Variants in ADGRL4 observed in about 807,000 individuals in gnomAD.
The protein encoded by ADGRL4 is EGF, latrophilin and seven transmembrane domain containing 1.
Under a neutral mutation model 74.8 loss-of-function variants are expected in ADGRL4, and 90 were observed. That is an observed-to-expected ratio of 1.20 (90% CI 1.02 to 1.43). The LOEUF (loss-of-function observed/expected upper bound fraction) is 1.43. ADGRL4 is among the 40% of genes most tolerant of loss of function. The pLI is 0.00. For missense variants in ADGRL4, 881 were observed against 814.3 expected, an observed-to-expected ratio of 1.08 and a Z score of -1.00; for synonymous variants, 311 against 279.2, an observed-to-expected ratio of 1.11 and a Z score of -1.14.
chr1:78,955,974 G>A (rs1207757293), intron 2 of ADGRL4, among the ~76,000 whole-genome samples: 2 of 151,920 alleles, frequency 1.3e-5, no homozygotes, highest in Non-Finnish European at 1.5e-5. Flanking sequence ...ATATAATAAC[G>A]ATTGACTCTA....
intron 2 of ADGRL4, among the ~76,000 whole-genome samples, chr1:78,954,839 T>C (rs944889179): frequency 6.6e-6 from 1 of 152,098 alleles, no homozygotes; most frequent in Non-Finnish European, 1.5e-5. Flanking sequence ...AAACGTGCAA[T>C]AATAGCTAAG....
At chr1:78,930,258 T>C (rs1649210384) in intron 7 of ADGRL4, among the ~76,000 whole-genome samples, 1 of 151,052 alleles carries the variant, frequency 6.6e-6, no homozygotes, top group Admixed American at 6.6e-5. Flanking sequence ...AATATTATTA[T>C]TATTTTCTTT....
intron 8 of ADGRL4, among the ~76,000 whole-genome samples, chr1:78,926,573 A>T (rs1649118564): frequency 6.6e-6 from 1 of 151,998 alleles, no homozygotes. Flanking sequence ...TGATTGTGAT[A>T]CTTTTTAATA....
At chr1:78,898,206 G>T (rs550550309) in intron 12 of ADGRL4, among the ~76,000 whole-genome samples, 1 of 152,216 alleles carries the variant, frequency 6.6e-6, no homozygotes, top group Non-Finnish European at 1.5e-5. Context: ...GATGATAAAA[G>T]TCTCCATTTT....
intron 2 of ADGRL4, among the ~76,000 whole-genome samples, chr1:78,990,136 C>G (rs1408532589): frequency 6.6e-6 from 1 of 151,846 alleles, no homozygotes; most frequent in Non-Finnish European, 1.5e-5. Context: ...AGTGCTTCAT[C>G]CTCAAAACTA....
At chr1:78,970,520 A>T (rs1650147339) in intron 2 of ADGRL4, among the ~76,000 whole-genome samples, 1 of 152,154 alleles carries the variant, frequency 6.6e-6, no homozygotes, top group Non-Finnish European at 1.5e-5. Context: ...CAATGCCAGC[A>T]TGTGCCAAGG....
At chr1:78,938,325 T>G (rs770471683) in intron 4 of ADGRL4, 46 bp from the exon 5 acceptor site, 1 of 1,460,156 alleles carries the variant, frequency 6.8e-7, no homozygotes, top group South Asian at 1.4e-5. Flanking sequence ...TTAGTTCTAC[T>G]GGAGTTTTAC....
intron 12 of ADGRL4, among the ~76,000 whole-genome samples, chr1:78,916,816 C>T (rs1648881581): frequency 6.6e-6 from 1 of 151,906 alleles, no homozygotes; most frequent in African/African-American, 2.4e-5. Context: ...TCTCTACTGA[C>T]AATTCATTCC....
chr1:78,897,542 A>C (rs1010023990), intron 12 of ADGRL4, among the ~76,000 whole-genome samples: 1 of 152,096 alleles, frequency 6.6e-6, no homozygotes, highest in Admixed American at 6.6e-5. Context: ...GAGTTGGGCC[A>C]ATCTGCCTCT....
intron 2 of ADGRL4, among the ~76,000 whole-genome samples, chr1:78,979,359 C>A (rs1180233863): frequency 6.6e-6 from 1 of 151,898 alleles, no homozygotes; most frequent in African/African-American, 2.4e-5. Context: ...TTCTTCTATT[C>A]GCACCCTGTA....
chr1:78,950,339 C>T (rs527800983), intron 2 of ADGRL4, among the ~76,000 whole-genome samples: 4 of 152,084 alleles, frequency 2.6e-5, no homozygotes, highest in East Asian at 1.9e-4. Flanking sequence ...AGGAGGGTAA[C>T]GGCTTCAGGG....
chr1:79,001,606 G>T (rs968943589), intron 2 of ADGRL4, among the ~76,000 whole-genome samples: 11 of 152,058 alleles, frequency 7.2e-5, no homozygotes, highest in African/African-American at 2.4e-4. Context: ...TTGCTTATTT[G>T]TATAACACAC....
At chr1:78,996,346 A>ATAGCTAATG (rs1315477088) in intron 2 of ADGRL4, among the ~76,000 whole-genome samples, 6 of 152,268 alleles carry the variant, frequency 3.9e-5, no homozygotes, top group African/African-American at 1.4e-4. Context: ...GTCAGCTAAT[A>ATAGCTAATG]TATTCCATTA....
chr1:78,917,960 T>G lies in ADGRL4; in HGVS notation c.1552A>C (p.Ile518Leu). ...TTGTTGTAGATGACACCCACAACAA[T>G]GAGATAGAGATGTATGCCTTCAATG... is the stretch of plus-strand genomic sequence containing the variant. The part of the protein sequence containing the change: ...MCIEGIHLYL[I>L]VVGVIYNKGF... Residue 518 changes from isoleucine (I) to leucine (L), a missense_variant, in exon 11 of 15, where the codon ATT becomes CTT. Physicochemically the swap from Ile to Leu is conservative, Grantham distance 5 (BLOSUM62 2). Transcript: ENST00000370742. The G allele has an allele frequency of 6.2e-7, 1 of 1,611,610 alleles. No individual in the cohort carries two copies. Among genetic ancestry groups the G allele is most frequent in the South Asian group, 1.1e-5 (1 of 91,032 alleles).
chr1:78,939,061 T>C (rs1222264931), intron 4 of ADGRL4, 127 bp downstream of exon 4: 6 of 1,221,862 alleles, frequency 4.9e-6, no homozygotes, highest in African/African-American at 4.7e-5. Context: ...GATCTCTATA[T>C]GTAAACGTTT....
chr1:78,937,858 ATATCCT>A lies in ADGRL4; in HGVS notation c.703_708del (p.Arg235_Ile236del). 4 of 1,613,902 alleles carry A rather than the reference ATATCCT, an allele frequency of 2.5e-6. No homozygotes were observed. In the South Asian group the frequency reaches 4.4e-5, roughly 18 times the overall value. ...TCTGTGGTCTTTTGGAAGCTCTGGG[ATATCCT>A]TAAAGTAGCTTGTTCAACAGTGTGC... On this transcript the variant is annotated inframe_deletion, in exon 6 of 15. Coordinates refer to ENST00000370742, the MANE Select transcript of ADGRL4 (RefSeq NM_022159.4).
chr1:78,997,148 A>G (rs191528525), intron 2 of ADGRL4, among the ~76,000 whole-genome samples: 1 of 150,376 alleles, frequency 6.6e-6, no homozygotes, highest in East Asian at 1.9e-4. Context: ...GGAATATAAA[A>G]AAAGGTCTGG....
At chr1:78,940,766 A>G (rs1189100025) in intron 3 of ADGRL4, among the ~76,000 whole-genome samples, 1 of 152,190 alleles carries the variant, frequency 6.6e-6, no homozygotes, top group Non-Finnish European at 1.5e-5. Flanking sequence ...ACCAAAGTCT[A>G]ATTTAAAATG....
At chr1:78,993,212 G>C (rs1473622665) in intron 2 of ADGRL4, among the ~76,000 whole-genome samples, 1 of 152,076 alleles carries the variant, frequency 6.6e-6, no homozygotes, top group Non-Finnish European at 1.5e-5. Flanking sequence ...GTTGTAGAGA[G>C]AAGGAATACT....
Sources: allele counts gnomAD v4.1 joint callset (sites outside exome capture counted in the v4.1 genomes callset), GRCh38; gene constraint gnomAD v4.1.1; transcripts MANE v1.5; gene names NCBI Gene and HGNC (gene_info 2026-07-23, HGNC 2026-07-21).